GPR107: variants seen among roughly 807,000 people sequenced by gnomAD.
The protein encoded by GPR107 is G protein-coupled receptor 107, also known as protein GPR107.
A neutral mutation model predicts 75.5 loss-of-function variants in GPR107; 31 were observed. That is an observed-to-expected ratio of 0.41 (90% CI 0.31 to 0.55). The LOEUF (loss-of-function observed/expected upper bound fraction) is 0.55. Among genes scored for constraint, GPR107 ranks in the 20% least tolerant of loss-of-function variants. GPR107 has a pLI of 0.26. For missense variants in GPR107, 572 were observed against 665.7 expected, an observed-to-expected ratio of 0.86 and a Z score of 1.55; for synonymous variants, 267 against 251.3, an observed-to-expected ratio of 1.06 and a Z score of -0.59.
At chr9:130,076,288 A>G (rs1310372283) in intron 2 of GPR107, 124 bp from the exon 3 acceptor site, 7 of 601,724 alleles carry the variant, frequency 1.2e-5, no homozygotes, top group Non-Finnish European at 1.5e-5. Flanking sequence ...TTGCCTTCTT[A>G]CAAAATGAAT....
In GPR107 at chr9:130,092,228, T is replaced by C; in HGVS notation, c.730-20T>C. ...TGATATGTTTCTGAAAAGTAAAAAT[T>C]AATTTCATGCTGGTTTCAGATTGAG... On this transcript the variant is annotated intron_variant, in intron 8 of 17. Transcript: ENST00000347136. The C allele has an allele frequency of 6.2e-7, 1 of 1,602,848 alleles. No homozygotes were observed. Among genetic ancestry groups the C allele is most frequent in the Non-Finnish European group, 8.5e-7 (1 of 1,170,694 alleles).
At chr9:130,130,944 T>C (rs1390972321) in intron 17 of GPR107, among the ~76,000 whole-genome samples, 1 of 151,838 alleles carries the variant, frequency 6.6e-6, no homozygotes, top group Non-Finnish European at 1.5e-5. Context: ...ATTGCAGTCT[T>C]GTGTGGCAGA....
At chr9:130,082,118 C>T (rs1344102177) in intron 5 of GPR107, among the ~76,000 whole-genome samples, 3 of 152,152 alleles carry the variant, frequency 2.0e-5, no homozygotes, top group Non-Finnish European at 4.4e-5. Context: ...AGCAAGAACT[C>T]ACTCCTTACC....
At chr9:130,133,085 CT>C (rs1265490181) in intron 17 of GPR107, 1 of 152,156 alleles carries the variant, frequency 6.6e-6, no homozygotes, top group Admixed American at 6.6e-5. Context: ...CCCAGCACTC[CT>C]GTCTCTGTTG....
intron 14 of GPR107, among the ~76,000 whole-genome samples, chr9:130,111,809 A>G (rs2132627146): frequency 6.6e-6 from 1 of 152,262 alleles, no homozygotes; most frequent in South Asian, 2.1e-4. Flanking sequence ...GGAAATCTAA[A>G]GGAAAGCATT....
Position 130,096,964 on chromosome 9 carries a change from G to A in GPR107, c.864-2493G>A, listed in dbSNP as rs115707947. 8.2e-3 allele frequency among the ~76,000 whole-genome samples: 1,246 copies of A among 152,106 alleles called. 26 individuals are homozygous for A. Among genetic ancestry groups the A allele is most frequent in the African/African-American group, 0.029 (1,189 of 41,508 alleles). On this transcript the variant is annotated intron_variant, in intron 9 of 17. Coordinates refer to ENST00000347136, the MANE Select transcript of GPR107 (RefSeq NM_020960.5). The stretch of plus-strand genomic sequence containing the variant: ...AGCATCCCATGCTCTGTGTCCTCAC[G>A]TTTGACTGCTTTGGTCCTTTAGTGA...
intron 14 of GPR107, among the ~76,000 whole-genome samples, chr9:130,118,843 C>G (rs1021474359): frequency 1.3e-5 from 2 of 152,198 alleles, no homozygotes; most frequent in Admixed American, 1.3e-4. Context: ...ATGAGGAGGT[C>G]GATGCCTGGA....
chr9:130,076,499 C>T (rs374857228), intron 3 of GPR107, 37 bp downstream of exon 3: 1 of 1,307,384 alleles, frequency 7.6e-7, no homozygotes, highest in South Asian at 1.2e-5. Flanking sequence ...CATCTCTTCA[C>T]CTGAGCCCAG....
At chr9:130,100,853 G>C in intron 11 of GPR107, 151 bp downstream of exon 11, 1 of 669,190 alleles carries the variant, frequency 1.5e-6, no homozygotes, top group Non-Finnish European at 2.7e-6. Context: ...CTCATGGGTG[G>C]CTGTCCAGAC....
intron 14 of GPR107, among the ~76,000 whole-genome samples, chr9:130,119,314 C>G (rs543272357): frequency 6.6e-6 from 1 of 152,326 alleles, no homozygotes; most frequent in Admixed American, 6.5e-5. Context: ...TCCAGTTTTA[C>G]TCACTGGATT....
chr9:130,078,278 A>G (rs1232855429), intron 4 of GPR107, among the ~76,000 whole-genome samples: 1 of 152,166 alleles, frequency 6.6e-6, no homozygotes, highest in Non-Finnish European at 1.5e-5. Flanking sequence ...TAAGGTAGGA[A>G]TCATGTGCTC....
chr9:130,069,875 G>A (rs183412351), intron 1 of GPR107, among the ~76,000 whole-genome samples: 90 of 151,544 alleles, frequency 5.9e-4, no homozygotes, highest in African/African-American at 1.9e-3. Context: ...TAGTAGAGAT[G>A]GGGTTTCATC....
At chr9:130,061,518 C>G (rs764724076) in intron 1 of GPR107, among the ~76,000 whole-genome samples, 1 of 152,078 alleles carries the variant, frequency 6.6e-6, no homozygotes, top group South Asian at 2.1e-4. Flanking sequence ...GGGAGAGGTA[C>G]ACATGAGCCT....
At chr9:130,133,943 A>C (rs1299013228) in intron 17 of GPR107, among the ~76,000 whole-genome samples, 2 of 152,136 alleles carry the variant, frequency 1.3e-5, no homozygotes, top group African/African-American at 4.8e-5. Context: ...GTCCAGCTGC[A>C]TGCACTCTAG....
intron 1 of GPR107, among the ~76,000 whole-genome samples, chr9:130,063,810 CTTT>C (rs1317543145): frequency 1.5e-5 from 2 of 130,226 alleles, no homozygotes; most frequent in African/African-American, 2.8e-5. Context: ...GGAGTTTATT[CTTT>C]TTTTTTTTTT....
intron 9 of GPR107, among the ~76,000 whole-genome samples, chr9:130,092,831 G>A (rs924340769): frequency 3.3e-5 from 5 of 152,152 alleles, no homozygotes; most frequent in African/African-American, 9.7e-5. Context: ...GTGTTAGCCA[G>A]GATGGTCTTG....
At chr9:130,074,582 A>G (rs949333095) in intron 1 of GPR107, among the ~76,000 whole-genome samples, 5 of 152,122 alleles carry the variant, frequency 3.3e-5, no homozygotes, top group African/African-American at 1.2e-4. Context: ...GACAGCATCA[A>G]GCAGGTGGGG....
intron 13 of GPR107, among the ~76,000 whole-genome samples, chr9:130,106,007 A>C (rs1831147107): frequency 6.6e-6 from 1 of 152,168 alleles, no homozygotes; most frequent in African/African-American, 2.4e-5. Context: ...GCCGTCCTGC[A>C]CAGGAATTAG....
At chr9:130,129,184 A>G (rs1267451351) in intron 17 of GPR107, 2 of 166,016 alleles carry the variant, frequency 1.2e-5, no homozygotes, top group East Asian at 3.6e-4. Flanking sequence ...CTATCGTCAG[A>G]TAACTGCGTG....
Sources: allele counts gnomAD v4.1 joint callset (sites outside exome capture counted in the v4.1 genomes callset), GRCh38; gene constraint gnomAD v4.1.1; transcripts MANE v1.5; gene names NCBI Gene and HGNC (gene_info 2026-07-23, HGNC 2026-07-21).